PCDH15: variants seen among roughly 807,000 people sequenced by gnomAD.
The protein encoded by PCDH15 is protocadherin-15.
PCDH15 carries 129 observed loss-of-function variants against 178.5 expected under a neutral mutation model. That is an observed-to-expected ratio of 0.72 (90% CI 0.63 to 0.84). The LOEUF (loss-of-function observed/expected upper bound fraction) is 0.84, where lower values mean the gene tolerates loss of function less well. Ranked by LOEUF, PCDH15 falls within the 40% of genes least tolerant of loss-of-function variation. PCDH15 has a pLI of 0.00. For synonymous variants in PCDH15, 800 were observed against 732.0 expected (o/e 1.09, Z -1.50); for missense variants, 2,230 against 2,099.9 (o/e 1.06, Z -1.21).
intron 1 of PCDH15, among the ~76,000 whole-genome samples, chr10:55,285,133 TA>T (rs1842836084): frequency 7.0e-6 from 1 of 143,006 alleles, no homozygotes; most frequent in Non-Finnish European, 1.5e-5. Context: ...GTTTACCATA[TA>T]AACTTGTATT....
chr10:53,883,150 CAT>C lies in PCDH15; in HGVS notation c.3502-16295_3502-16294del, dbSNP rs1238725611. 4.7e-5 allele frequency among the ~76,000 whole-genome samples: 6 copies of C among 127,320 alleles called. No individual in the cohort carries two copies. In the South Asian group the frequency reaches 1.4e-3, roughly 30 times the overall value. The allele number at this position is 127,320 out of a possible 152,430, so 83.5% of individuals were successfully genotyped here. A position where few individuals can be genotyped will look rare whatever the true frequency, so the allele number is the denominator to read the frequency against. Reference sequence around the variant, plus strand: ...ATAAAAATACATAAGAATACACACACATATATACACACATATGCATACACATA... The same window carrying C: ...ATAAAAATACATAAGAATACACACACATATACACACATATGCATACACATA... On this transcript the variant is annotated intron_variant, in intron 26 of 37. Coordinates refer to ENST00000644397, the MANE Select transcript of PCDH15 (RefSeq NM_001384140.1).
At chr10:54,259,526 A>C (rs992568651) in intron 8 of PCDH15, among the ~76,000 whole-genome samples, 1 of 152,242 alleles carries the variant, frequency 6.6e-6, no homozygotes, top group African/African-American at 2.4e-5. Flanking sequence ...AGAGAAGATA[A>C]GAAAAGAAGT....
At chr10:54,177,654 A>G (rs1341275787) in intron 13 of PCDH15, among the ~76,000 whole-genome samples, 3 of 152,140 alleles carry the variant, frequency 2.0e-5, no homozygotes, top group Admixed American at 2.0e-4. Context: ...GAAATTGCCT[A>G]AACTGAACAA....
At chr10:54,882,438 A>G (rs1954280812) in intron 3 of PCDH15, among the ~76,000 whole-genome samples, 1 of 152,056 alleles carries the variant, frequency 6.6e-6, no homozygotes, top group Non-Finnish European at 1.5e-5. Context: ...AGGGATTTTG[A>G]AAACTCCTTA....
chr10:54,108,243 A>G (rs1698320008), intron 15 of PCDH15, among the ~76,000 whole-genome samples: 1 of 152,134 alleles, frequency 6.6e-6, no homozygotes, highest in Non-Finnish European at 1.5e-5. Context: ...GATAGGAAAG[A>G]AAGTCTTGAA....
At chr10:53,901,345 A>G (rs1277972982) in intron 26 of PCDH15, among the ~76,000 whole-genome samples, 1 of 152,094 alleles carries the variant, frequency 6.6e-6, no homozygotes. Context: ...TCTGTTCAGG[A>G]CAAAAACCAC....
intron 1 of PCDH15, among the ~76,000 whole-genome samples, chr10:55,233,809 G>A (rs938150039): frequency 6.6e-6 from 1 of 151,996 alleles, no homozygotes; most frequent in African/African-American, 2.4e-5. Flanking sequence ...ATTTTCTTAT[G>A]AGAAACAATA....
In PCDH15 at chr10:54,664,267, T is replaced by C. The variant is rs142016527; in HGVS notation, c.-5A>G. 1,601 of 1,607,968 alleles carry C rather than the reference T, an allele frequency of 1.0e-3. 15 individuals carry two copies. In the African/African-American group the frequency reaches 0.018, roughly 18 times the overall value. ...GAGATAAAACTGTCGAAACATCTTC[T>C]GTCAAAGTTCACTCAAAGCTGATCT... is the stretch of plus-strand genomic sequence containing the variant. On this transcript the variant is annotated 5_prime_UTR_variant, in exon 2 of 38. Coordinates refer to ENST00000644397, the MANE Select transcript of PCDH15 (RefSeq NM_001384140.1).
chr10:54,558,469 T>C (rs1357523093), intron 2 of PCDH15, among the ~76,000 whole-genome samples: 1 of 152,084 alleles, frequency 6.6e-6, no homozygotes, highest in East Asian at 1.9e-4. Context: ...AAACTCTGTA[T>C]AATCTCAGTT....
intron 2 of PCDH15, among the ~76,000 whole-genome samples, chr10:54,944,660 T>C (rs1375743574): frequency 1.3e-5 from 2 of 151,886 alleles, no homozygotes; most frequent in Admixed American, 1.3e-4. Flanking sequence ...ATTTAAAAAA[T>C]TATTGTTTAC....
At chr10:53,981,944 ATCTACAATGAAC>A (rs2090681975) in intron 21 of PCDH15, among the ~76,000 whole-genome samples, 1 of 151,962 alleles carries the variant, frequency 6.6e-6, no homozygotes, top group Non-Finnish European at 1.5e-5. Flanking sequence ...AATATCCAGA[ATCTACAATGAAC>A]TCAAACAAAT....
At chr10:55,328,292 G>T (rs1008368496) in intron 2 of PCDH15, among the ~76,000 whole-genome samples, 4 of 151,682 alleles carry the variant, frequency 2.6e-5, no homozygotes, top group African/African-American at 7.3e-5. Flanking sequence ...TCTGATAAAT[G>T]AGTCATTAGG....
chr10:55,137,227 A>G (rs1857444), intron 2 of PCDH15, among the ~76,000 whole-genome samples: 58,791 of 151,588 alleles, frequency 0.39, 12,103 homozygotes, highest in African/African-American at 0.53. Flanking sequence ...TGCACATACA[A>G]TGGTTGTCTC....
intron 15 of PCDH15, among the ~76,000 whole-genome samples, chr10:54,104,209 T>C (rs145576531): frequency 0.012 from 1,763 of 152,276 alleles, 10 homozygotes; most frequent in Non-Finnish European, 0.019. Flanking sequence ...AGAGGAGGTT[T>C]CCACGACTAG....
chr10:55,325,087 G>C (rs1843995916), intron 2 of PCDH15, among the ~76,000 whole-genome samples: 1 of 151,984 alleles, frequency 6.6e-6, no homozygotes, highest in African/African-American at 2.4e-5. Context: ...CAAAGAAACA[G>C]AAAAACATTC....
Position 54,464,623 on chromosome 10 carries a change from C to G in PCDH15, c.157+63189G>C, listed in dbSNP as rs1024523459. 3.9e-5 allele frequency among the ~76,000 whole-genome samples: 6 copies of G among 152,128 alleles called. No homozygotes were observed. In the South Asian group the frequency reaches 1.2e-3, roughly 31 times the overall value. On this transcript the variant is annotated intron_variant, in intron 3 of 37. Coordinates refer to ENST00000644397, the MANE Select transcript of PCDH15 (RefSeq NM_001384140.1). Reference sequence around the variant, plus strand: ...ATATTTACAATGTCTAGGCTCTCATCAAATAATAAATAGTGAAGTCAACAT... The same window carrying G: ...ATATTTACAATGTCTAGGCTCTCATGAAATAATAAATAGTGAAGTCAACAT...
intron 1 of PCDH15, among the ~76,000 whole-genome samples, chr10:55,234,063 T>A (rs966714119): frequency 2.6e-5 from 4 of 152,068 alleles, no homozygotes; most frequent in African/African-American, 9.7e-5. Context: ...GCTTCATCAG[T>A]AAGTATTTAG....
At chr10:54,502,355 T>C (rs1455151495) in intron 3 of PCDH15, among the ~76,000 whole-genome samples, 3 of 152,150 alleles carry the variant, frequency 2.0e-5, no homozygotes, top group African/African-American at 7.2e-5. Flanking sequence ...ATTTATATTT[T>C]TCACTTGTTT....
chr10:54,358,171 T>G (rs1467587582), intron 5 of PCDH15, among the ~76,000 whole-genome samples: 6 of 148,062 alleles, frequency 4.1e-5, no homozygotes, highest in African/African-American at 1.0e-4. Flanking sequence ...AAATGGGATC[T>G]AATTAAACTA....
Sources: allele counts gnomAD v4.1 joint callset (sites outside exome capture counted in the v4.1 genomes callset), GRCh38; gene constraint gnomAD v4.1.1; transcripts MANE v1.5; gene names NCBI Gene and HGNC (gene_info 2026-07-23, HGNC 2026-07-21).